Variants in LINGO2 observed in about 807,000 individuals in gnomAD.
LINGO2 encodes the protein leucine-rich repeat and immunoglobulin-like domain-containing nogo receptor-interacting protein 2.
In LINGO2, 14 loss-of-function variants were observed where a neutral mutation model predicts 30.6. That is an observed-to-expected ratio of 0.46 (90% confidence interval 0.30 to 0.72). The LOEUF (loss-of-function observed/expected upper bound fraction) is 0.72, where lower values mean the gene tolerates loss of function less well. Among genes scored for constraint, LINGO2 ranks in the 30% least tolerant of loss-of-function variants. LINGO2 has a pLI of 0.07. For synonymous variants in LINGO2, 317 were observed against 288.5 expected (o/e 1.10, Z -1.00); for missense variants, 729 against 751.7 (o/e 0.97, Z 0.35).
chr9:28,408,450 C>T (rs969669792), intron 2 of LINGO2, among the ~76,000 whole-genome samples: 12 of 152,032 alleles, frequency 7.9e-5, no homozygotes, highest in African/African-American at 2.7e-4. Flanking sequence ...AGGGATGCTT[C>T]CTAACTTTCT....
chr9:29,204,874 C>T, the LINGO2 span, among the ~76,000 whole-genome samples: 1 of 152,142 alleles, frequency 6.6e-6, no homozygotes, highest in Non-Finnish European at 1.5e-5. Context: ...TACATTTCTT[C>T]CAAGCTTAGA....
intron 5 of LINGO2, among the ~76,000 whole-genome samples, chr9:27,957,413 C>T (rs1819626509): frequency 6.6e-6 from 1 of 152,138 alleles, no homozygotes; most frequent in South Asian, 2.1e-4. Flanking sequence ...CCTGCCTCAG[C>T]CTCCCGAGTA....
At chr9:28,883,123 A>G in the LINGO2 span, among the ~76,000 whole-genome samples, 1 of 152,122 alleles carries the variant, frequency 6.6e-6, no homozygotes, top group Non-Finnish European at 1.5e-5. Flanking sequence ...CTACCTGTTG[A>G]GCTCAATCCA....
chr9:29,155,383 G>T, the LINGO2 span, among the ~76,000 whole-genome samples: 1 of 151,926 alleles, frequency 6.6e-6, no homozygotes, highest in Non-Finnish European at 1.5e-5. Context: ...TACTTTTCTA[G>T]TCATTTTTAA....
At chr9:27,982,584 C>A (rs2118924245) in intron 5 of LINGO2, among the ~76,000 whole-genome samples, 1 of 151,982 alleles carries the variant, frequency 6.6e-6, no homozygotes, top group Admixed American at 6.6e-5. Context: ...GAATGGGAAA[C>A]TGAGGCATAT....
intron 4 of LINGO2, among the ~76,000 whole-genome samples, chr9:28,098,256 G>A (rs978285749): frequency 1.3e-5 from 2 of 152,086 alleles, no homozygotes; most frequent in Non-Finnish European, 2.9e-5. Flanking sequence ...AGTGAGCTGA[G>A]ATCTTGCTAC....
chr9:28,740,323 C>G, the LINGO2 span, among the ~76,000 whole-genome samples: 2 of 151,506 alleles, frequency 1.3e-5, no homozygotes, highest in African/African-American at 2.4e-5. Context: ...TCTAGTGTTT[C>G]TATTCATTAT....
chr9:28,469,283 G>C (rs79314326), intron 2 of LINGO2, among the ~76,000 whole-genome samples: 1 of 150,678 alleles, frequency 6.6e-6, no homozygotes, highest in Non-Finnish European at 1.5e-5. Flanking sequence ...AAAAAAAAAA[G>C]AGTAAAGAAA....
chr9:29,099,982 G>T, the LINGO2 span, among the ~76,000 whole-genome samples: 5 of 152,224 alleles, frequency 3.3e-5, no homozygotes, highest in East Asian at 9.6e-4. Flanking sequence ...AAGCAACCTA[G>T]GTGTCCATCA....
intron 4 of LINGO2, among the ~76,000 whole-genome samples, chr9:28,251,493 A>T (rs1822196973): frequency 6.6e-6 from 1 of 152,176 alleles, no homozygotes; most frequent in Non-Finnish European, 1.5e-5. Flanking sequence ...TTTGAGGATT[A>T]GTTGTCATTT....
chr9:28,837,416 C>T, the LINGO2 span, among the ~76,000 whole-genome samples: 2 of 151,318 alleles, frequency 1.3e-5, no homozygotes, highest in African/African-American at 4.9e-5. Flanking sequence ...GAGGCCGAGG[C>T]GGGTGGATCA....
intron 3 of LINGO2, among the ~76,000 whole-genome samples, chr9:28,343,367 C>A (rs1819434382): frequency 6.6e-6 from 1 of 152,144 alleles, no homozygotes; most frequent in Non-Finnish European, 1.5e-5. Flanking sequence ...AAAAATCATG[C>A]TCATCTCTTC....
intron 3 of LINGO2, among the ~76,000 whole-genome samples, chr9:28,354,667 C>T (rs1820089743): frequency 6.6e-6 from 1 of 152,172 alleles, no homozygotes; most frequent in South Asian, 2.1e-4. Flanking sequence ...CAACCCTGTA[C>T]ACATTTTTTC....
At chr9:28,554,494 T>A (rs1339006559) in intron 1 of LINGO2, among the ~76,000 whole-genome samples, 1 of 147,720 alleles carries the variant, frequency 6.8e-6, no homozygotes, top group Non-Finnish European at 1.5e-5. Flanking sequence ...CCCAGACTCA[T>A]AAAGCAAGTC....
At chr9:28,038,238 C>CCATT (rs10652712) in intron 4 of LINGO2, among the ~76,000 whole-genome samples, 129,582 of 151,752 alleles carry the variant, frequency 0.85, 55,355 homozygotes, top group East Asian at 0.93. Context: ...ATTTAAGTAT[C>CCATT]CATTAAGTGG....
At chr9:28,189,605 A>G (rs867697816) in intron 4 of LINGO2, among the ~76,000 whole-genome samples, 4 of 4,272 alleles carry the variant, frequency 9.4e-4, no homozygotes, top group East Asian at 0.011. Context: ...GGAAGGGAGG[A>G]AGGAAGGGAG....
At chr9:29,009,169 G>C in the LINGO2 span, among the ~76,000 whole-genome samples, 9 of 152,094 alleles carry the variant, frequency 5.9e-5, no homozygotes, top group Non-Finnish European at 1.3e-4. Context: ...ACATAGTATT[G>C]GAAGTTCTGG....
At chr9:28,292,150 G>C (rs1475831994) in intron 4 of LINGO2, among the ~76,000 whole-genome samples, 1 of 152,170 alleles carries the variant, frequency 6.6e-6, no homozygotes, top group Non-Finnish European at 1.5e-5. Context: ...GGATAAGTTA[G>C]GCTCCAACAT....
chr9:28,538,520 G>A (rs966604728), intron 1 of LINGO2, among the ~76,000 whole-genome samples: 3 of 152,080 alleles, frequency 2.0e-5, no homozygotes, highest in Admixed American at 6.6e-5. Context: ...GAGTAAAAAA[G>A]AAACTTGACT....
Sources: allele counts gnomAD v4.1 joint callset (sites outside exome capture counted in the v4.1 genomes callset), GRCh38; gene constraint gnomAD v4.1.1; transcripts MANE v1.5; gene names NCBI Gene and HGNC (gene_info 2026-07-23, HGNC 2026-07-21).